The following KCNMA1 variants were observed in gnomAD, a reference collection of about 807,000 sequenced individuals.
KCNMA1 encodes Calcium-activated potassium channel subunit alpha-1.
In KCNMA1, 29 loss-of-function variants were observed where a neutral mutation model predicts 140.0. That is an observed-to-expected ratio of 0.21 (90% CI 0.15 to 0.28). The LOEUF (loss-of-function observed/expected upper bound fraction) is 0.28, where lower values mean the gene tolerates loss of function less well. Ranked by LOEUF, KCNMA1 falls within the 10% of genes least tolerant of loss-of-function variation. The pLI, the probability that KCNMA1 is intolerant of heterozygous loss-of-function variation, is 1.00. For synonymous variants in KCNMA1, 612 were observed against 611.9 expected, an observed-to-expected ratio of 1.00 and a Z score of 0.00; for missense variants, 880 against 1,602.2, an observed-to-expected ratio of 0.55 and a Z score of 7.70.
chr10:76,998,088 A>G (rs1450807389), intron 19 of KCNMA1, among the ~76,000 whole-genome samples: 1 of 152,194 alleles, frequency 6.6e-6, no homozygotes, highest in Non-Finnish European at 1.5e-5. Context: ...AGTTCAACAG[A>G]AGACAACTAT....
chr10:77,161,165 T>C (rs914245331), intron 5 of KCNMA1, among the ~76,000 whole-genome samples: 4 of 152,110 alleles, frequency 2.6e-5, no homozygotes, highest in African/African-American at 9.7e-5. Context: ...TAACAGCTGT[T>C]TTACTGACAC....
intron 2 of KCNMA1, among the ~76,000 whole-genome samples, chr10:77,319,304 A>C (rs1345923020): frequency 6.6e-6 from 1 of 152,180 alleles, no homozygotes; most frequent in African/African-American, 2.4e-5. Context: ...ACAAGCAAAA[A>C]GGAACAACAC....
intron 2 of KCNMA1, among the ~76,000 whole-genome samples, chr10:77,318,612 C>T (rs537041836): frequency 2.0e-5 from 3 of 152,306 alleles, no homozygotes; most frequent in South Asian, 2.1e-4. Flanking sequence ...ACCTGGTAGG[C>T]ACCCTTTCAA....
intron 18 of KCNMA1, among the ~76,000 whole-genome samples, chr10:77,003,668 T>C (rs987422812): frequency 6.6e-6 from 1 of 152,226 alleles, no homozygotes; most frequent in African/African-American, 2.4e-5. Context: ...CATCAAACTC[T>C]GGAATGCTAT....
At chr10:77,034,067 C>A (rs143589247) in intron 15 of KCNMA1, among the ~76,000 whole-genome samples, 87 of 152,136 alleles carry the variant, frequency 5.7e-4, no homozygotes, top group African/African-American at 2.0e-3. Flanking sequence ...CATGGTGAAA[C>A]CCCGTATCTA....
intron 2 of KCNMA1, among the ~76,000 whole-genome samples, chr10:77,380,156 TGTC>T (rs1361674643): frequency 6.6e-6 from 1 of 152,218 alleles, no homozygotes; most frequent in Admixed American, 6.5e-5. Context: ...AATTTTATGT[TGTC>T]GTCTGAAAGT....
At chr10:77,258,920 G>C (rs1472628144) in intron 2 of KCNMA1, among the ~76,000 whole-genome samples, 1 of 152,052 alleles carries the variant, frequency 6.6e-6, no homozygotes, top group Admixed American at 6.6e-5. Flanking sequence ...CCGAGATAAC[G>C]CCACTGCACT....
At chr10:77,042,270 C>A (rs575764864) in intron 14 of KCNMA1, among the ~76,000 whole-genome samples, 26 of 152,214 alleles carry the variant, frequency 1.7e-4, no homozygotes, top group African/African-American at 5.8e-4. Context: ...TTTTTAATTT[C>A]TCCAAACCAT....
intron 5 of KCNMA1, among the ~76,000 whole-genome samples, chr10:77,172,861 T>C (rs1032975425): frequency 2.0e-5 from 3 of 152,120 alleles, no homozygotes; most frequent in Non-Finnish European, 4.4e-5. Flanking sequence ...ATTCAGCATC[T>C]GGGGAGGGTT....
At chr10:77,097,517 A>T (rs1473410891) in intron 9 of KCNMA1, among the ~76,000 whole-genome samples, 1 of 152,180 alleles carries the variant, frequency 6.6e-6, no homozygotes, top group East Asian at 1.9e-4. Flanking sequence ...TGCAGAAAAA[A>T]GTTAACAGGT....
intron 1 of KCNMA1, among the ~76,000 whole-genome samples, chr10:77,600,185 C>G (rs967138513): frequency 1.8e-4 from 28 of 152,220 alleles, no homozygotes; most frequent in Non-Finnish European, 2.4e-4. Context: ...ACCTAGGAGG[C>G]AGTGAGCTCC....
chr10:77,594,432 G>A (rs541654082), intron 1 of KCNMA1, among the ~76,000 whole-genome samples: 3 of 152,260 alleles, frequency 2.0e-5, no homozygotes, highest in Non-Finnish European at 2.9e-5. Flanking sequence ...GTGTCCTGTC[G>A]GATGGGGCCA....
At position 77,517,009 on chromosome 10, in the gene KCNMA1, AAC is replaced by A. The variant is rs1455391550; in HGVS notation, c.379-112988_379-112987del. Reference sequence around the variant, plus strand: ...GTGTGTTTTTTACAAAAAAAAAAAAAACAAAAGGTGAGGGGAAGCCGGCCTGC... The same window carrying A: ...GTGTGTTTTTTACAAAAAAAAAAAAAAAAAGGTGAGGGGAAGCCGGCCTGC... On this transcript the variant is annotated intron_variant, in intron 1 of 27. Coordinates refer to ENST00000286628, the MANE Select transcript of KCNMA1 (RefSeq NM_001161352.2). Among the ~76,000 whole-genome samples the A allele has an allele frequency of 2.2e-4, 27 of 122,432 alleles. 1 individual carries two copies. Among genetic ancestry groups the A allele is most frequent in the African/African-American group, 5.4e-4 (21 of 38,796 alleles). The allele number at this position is 122,432 out of a possible 152,430, so 80.3% of individuals were successfully genotyped here.
intron 1 of KCNMA1, among the ~76,000 whole-genome samples, chr10:77,534,347 C>T (rs1052663435): frequency 1.8e-4 from 28 of 152,070 alleles, no homozygotes; most frequent in African/African-American, 6.3e-4. Context: ...AGGCAGAAGG[C>T]AGCATACAAA....
intron 23 of KCNMA1, among the ~76,000 whole-genome samples, chr10:76,915,492 AG>A (rs1424886194): frequency 6.6e-6 from 1 of 152,172 alleles, no homozygotes; most frequent in African/African-American, 2.4e-5. Context: ...GGCAACTGTG[AG>A]AATACAGGTT....
Position 76,885,665 on chromosome 10 carries a change from A to T in KCNMA1, c.*1601T>A. On this transcript the variant is annotated 3_prime_UTR_variant, in exon 28 of 28. Transcript: ENST00000286628. The stretch of plus-strand genomic sequence containing the variant: ...TTCTTTGAAGTAAAACTTTTCAAAT[A>T]TGTATATACCAGCCTAGTCCATCCA... 1 of 985,348 alleles carries T rather than the reference A, an allele frequency of 1.0e-6. No individual in the cohort carries two copies. The highest frequency in any genetic ancestry group is 1.2e-6 in the Non-Finnish European group (1 of 829,880). The allele number at this position is 985,348 out of a possible 1,614,324, so 61.0% of individuals were successfully genotyped here.
chr10:77,401,282 G>A (rs1188886273), intron 2 of KCNMA1, among the ~76,000 whole-genome samples: 18 of 151,730 alleles, frequency 1.2e-4, no homozygotes, highest in African/African-American at 4.1e-4. Flanking sequence ...TCAGCCTCTC[G>A]AGTAGCTGGG....
At chr10:77,385,749 C>T (rs1300674258) in intron 2 of KCNMA1, among the ~76,000 whole-genome samples, 4 of 152,130 alleles carry the variant, frequency 2.6e-5, no homozygotes, top group Admixed American at 1.3e-4. Context: ...AGGATAGGGG[C>T]CCTGACCATT....
At chr10:77,268,831 G>A (rs1432952438) in intron 2 of KCNMA1, among the ~76,000 whole-genome samples, 1 of 152,162 alleles carries the variant, frequency 6.6e-6, no homozygotes, top group Non-Finnish European at 1.5e-5. Context: ...CAGAGAGGGT[G>A]TCTCTGCACT....
Sources: allele counts gnomAD v4.1 joint callset (sites outside exome capture counted in the v4.1 genomes callset), GRCh38; gene constraint gnomAD v4.1.1; transcripts MANE v1.5; gene names NCBI Gene and HGNC (gene_info 2026-07-23, HGNC 2026-07-21).